The following CDKL2 variants were observed in gnomAD, a reference collection of about 807,000 sequenced individuals.
The protein encoded by CDKL2 is cyclin-dependent kinase-like 2.
Under a neutral mutation model 63.9 loss-of-function variants are expected in CDKL2, and 64 were observed. The ratio of observed to expected loss-of-function variants is 1.00; its 90% CI spans 0.82 to 1.23. The LOEUF (loss-of-function observed/expected upper bound fraction) is 1.23, where lower values mean the gene tolerates loss of function less well. CDKL2 is among the 50% of genes most tolerant of loss of function. The pLI is 0.00. For synonymous variants in CDKL2, 211 were observed against 229.2 expected (o/e 0.92, Z 0.72); for missense variants, 656 against 668.0 (o/e 0.98, Z 0.20).
chr4:75,596,891 T>C, intron 9 of CDKL2, 44 bp downstream of exon 9: 1 of 1,510,704 alleles, frequency 6.6e-7, no homozygotes, highest in Non-Finnish European at 9.0e-7. Flanking sequence ...AATTTGCAAA[T>C]ATGTCCTTAA....
chr4:75,612,322 G>A (rs894549425), intron 3 of CDKL2, among the ~76,000 whole-genome samples: 2 of 152,122 alleles, frequency 1.3e-5, no homozygotes, highest in Non-Finnish European at 2.9e-5. Flanking sequence ...AGCAGTACTT[G>A]ACTCTAAACT....
Position 75,578,207 on chromosome 4 carries a change from G to A in CDKL2, c.*995C>T, listed in dbSNP as rs944316455. 4.6e-5 allele frequency: 7 copies of A among 152,136 alleles called. No homozygotes were observed. The highest frequency in any genetic ancestry group is 1.0e-4 in the Non-Finnish European group (7 of 68,028). 9.4% of individuals were successfully genotyped at this position (152,136 alleles called of 1,614,324 possible). A position where few individuals can be genotyped will look rare whatever the true frequency, so the allele number is the denominator to read the frequency against. Reference sequence around the variant, plus strand: ...CACCTTGGTGAAAAGCTTTTGAGACGGCCTGAGTGTTTGAGGCCACAAGGA... The same window carrying A: ...CACCTTGGTGAAAAGCTTTTGAGACAGCCTGAGTGTTTGAGGCCACAAGGA... On this transcript the variant is annotated 3_prime_UTR_variant, in exon 14 of 14. Transcript: ENST00000307465.
In CDKL2 at chr4:75,578,966, G is replaced by T. The variant is rs1281585847; in HGVS notation, c.*236C>A. The T allele has an allele frequency of 6.6e-6, 1 of 152,608 alleles. No homozygotes were observed. The highest frequency in any genetic ancestry group is 1.5e-5 in the Non-Finnish European group (1 of 68,038). The allele number at this position is 152,608 out of a possible 1,614,324, so 9.5% of individuals were successfully genotyped here. On this transcript the variant is annotated 3_prime_UTR_variant, in exon 14 of 14. Transcript: ENST00000307465. ...GATATGTCTTGAAATAGCATCGGTG[G>T]ACGTGAAAGGTAATGGGATAACAGT...
intron 6 of CDKL2, among the ~76,000 whole-genome samples, chr4:75,601,889 G>A (rs1729203612): frequency 1.3e-5 from 2 of 152,148 alleles, no homozygotes; most frequent in African/African-American, 4.8e-5. Context: ...CAAAAAAATT[G>A]GGTAAATCTT....
chr4:75,629,672 G>A (rs999795721), intron 1 of CDKL2, among the ~76,000 whole-genome samples: 13 of 152,156 alleles, frequency 8.5e-5, no homozygotes, highest in African/African-American at 3.1e-4. Context: ...GGGAGCGGTG[G>A]CTCACGCCTG....
chr4:75,609,433 C>T (rs946920676), intron 3 of CDKL2, among the ~76,000 whole-genome samples: 1 of 151,374 alleles, frequency 6.6e-6, no homozygotes, highest in Admixed American at 6.6e-5. Flanking sequence ...GGTGAAACCC[C>T]GTCCCTAGTC....
chr4:75,603,296 G>A (rs567506350), intron 6 of CDKL2, among the ~76,000 whole-genome samples: 16 of 151,280 alleles, frequency 1.1e-4, no homozygotes, highest in East Asian at 3.9e-4. Flanking sequence ...CACCGCGCCC[G>A]GCCAATAAAT....
chr4:75,604,916 G>A (rs950097259), intron 5 of CDKL2, among the ~76,000 whole-genome samples: 52 of 152,028 alleles, frequency 3.4e-4, no homozygotes, highest in African/African-American at 1.1e-3. Flanking sequence ...CAGGAGAATC[G>A]CTTGAACCTG....
intron 2 of CDKL2, among the ~76,000 whole-genome samples, chr4:75,619,328 A>T (rs971828143): frequency 6.6e-6 from 1 of 152,164 alleles, no homozygotes; most frequent in Non-Finnish European, 1.5e-5. Flanking sequence ...AGGAACTAAA[A>T]ATGTAGAAGA....
At chr4:75,608,100 C>G (rs1156861735) in intron 3 of CDKL2, among the ~76,000 whole-genome samples, 2 of 148,478 alleles carry the variant, frequency 1.3e-5, no homozygotes, top group African/African-American at 5.0e-5. Flanking sequence ...CAGGCGTGAG[C>G]CACCGCGCCC....
At chr4:75,591,774 A>G (rs1728723839) in intron 12 of CDKL2, 45 bp downstream of exon 12, 1 of 1,287,506 alleles carries the variant, frequency 7.8e-7, no homozygotes, top group Non-Finnish European at 1.1e-6. Context: ...AGTAAGTAAG[A>G]GAGAGACCCG....
chr4:75,611,302 T>G (rs1729680671), intron 3 of CDKL2, among the ~76,000 whole-genome samples: 1 of 151,816 alleles, frequency 6.6e-6, no homozygotes, highest in African/African-American at 2.4e-5. Flanking sequence ...CTACTAAAAA[T>G]ACAAAAATTA....
At chr4:75,614,104 A>C (rs569395885) in intron 3 of CDKL2, 151 bp downstream of exon 3, 79 of 525,636 alleles carry the variant, frequency 1.5e-4, no homozygotes, top group African/African-American at 1.4e-3. Flanking sequence ...ACAAATATTT[A>C]ACTCCAATTA....
intron 3 of CDKL2, among the ~76,000 whole-genome samples, chr4:75,612,143 T>C (rs1326998280): frequency 1.3e-5 from 2 of 151,906 alleles, no homozygotes; most frequent in Non-Finnish European, 2.9e-5. Flanking sequence ...GCTAATTTTT[T>C]TATATTTTTA....
At chr4:75,598,301 G>C (rs1729032167) in intron 7 of CDKL2, 89 bp from the exon 8 acceptor site, 1 of 764,912 alleles carries the variant, frequency 1.3e-6, no homozygotes, top group Admixed American at 3.7e-5. Flanking sequence ...TTTAAAAATT[G>C]AATGTTAAAC....
At chr4:75,627,479 C>G (rs1363611823) in intron 1 of CDKL2, among the ~76,000 whole-genome samples, 1 of 151,872 alleles carries the variant, frequency 6.6e-6, no homozygotes, top group African/African-American at 2.4e-5. Context: ...CCATGTTGCC[C>G]AGGCTGATCT....
In CDKL2 at chr4:75,603,956, C is replaced by T. The variant is rs2148886864; in HGVS notation, c.656G>A (p.Gly219Asp). The change falls in exon 6 of 14, where the codon GGT becomes GAT. Residue 219 changes from glycine to aspartate, a missense_variant and splice_region_variant. Transcript: ENST00000307465. ...CTCCTGATGCCTTGGAATTAGATTACCTGGAAGTGAAAACAGCACATATCT... is the reference window on the plus strand; with the variant it reads ...CTCCTGATGCCTTGGAATTAGATTATCTGGAAGTGAAAACAGCACATATCT... ...DQLYHIMMCL[G>D]NLIPRHQELF... 1 of 1,603,262 alleles carries T rather than the reference C, an allele frequency of 6.2e-7. No homozygotes were observed. The highest frequency in any genetic ancestry group is 8.5e-7 in the Non-Finnish European group (1 of 1,177,016).
intron 2 of CDKL2, among the ~76,000 whole-genome samples, chr4:75,619,025 AT>A (rs1730048752): frequency 1.3e-5 from 2 of 152,198 alleles, no homozygotes; most frequent in Non-Finnish European, 2.9e-5. Context: ...GCCTCAAAAT[AT>A]TTCTACAAAT....
intron 6 of CDKL2, among the ~76,000 whole-genome samples, chr4:75,603,200 C>T (rs1319744726): frequency 6.8e-6 from 1 of 146,162 alleles, no homozygotes; most frequent in Non-Finnish European, 1.5e-5. Flanking sequence ...CGGGGTTTCA[C>T]CTTGTTAGCC....
Sources: gnomAD v4.1 joint callset for allele counts (sites outside exome capture counted in the v4.1 genomes callset) on GRCh38, gnomAD v4.1.1 for gene constraint, MANE v1.5 for transcripts, NCBI Gene and HGNC (gene_info 2026-07-23, HGNC 2026-07-21) for gene names.